The following NRXN3 variants were observed in gnomAD, a reference collection of about 807,000 sequenced individuals.
The protein encoded by NRXN3 is neurexin 3.
NRXN3 carries 32 observed loss-of-function variants against 137.6 expected under a neutral mutation model. The observed-to-expected ratio is 0.23, with a 90% confidence interval of 0.18 to 0.31. The LOEUF (loss-of-function observed/expected upper bound fraction) is 0.31. Among genes scored for constraint, NRXN3 ranks in the 10% least tolerant of loss-of-function variants. The pLI is 1.00. For synonymous variants in NRXN3, 798 were observed against 784.5 expected, an observed-to-expected ratio of 1.02 and a Z score of -0.29; for missense variants, 1,574 against 2,062.5, an observed-to-expected ratio of 0.76 and a Z score of 4.59.
chr14:78,501,056 C>G (rs2095869048), intron 4 of NRXN3, among the ~76,000 whole-genome samples: 1 of 152,124 alleles, frequency 6.6e-6, no homozygotes, highest in African/African-American at 2.4e-5. Context: ...ATTCCCTCTC[C>G]CTTTCTTTTA....
At chr14:79,168,255 A>G (rs903191557) in intron 15 of NRXN3, among the ~76,000 whole-genome samples, 2 of 152,062 alleles carry the variant, frequency 1.3e-5, no homozygotes, top group Admixed American at 6.6e-5. Flanking sequence ...AGGCTCTTCT[A>G]GTACTACAAA....
chr14:78,251,249 C>G (rs977659934), intron 2 of NRXN3, among the ~76,000 whole-genome samples: 5 of 152,162 alleles, frequency 3.3e-5, no homozygotes, highest in African/African-American at 1.2e-4. Context: ...CCTAACTTTC[C>G]TGCCTTCAGC....
In NRXN3 at chr14:79,802,200, C is replaced by G. The variant is rs2099184427; in HGVS notation, c.4015-2912C>G. On this transcript the variant is annotated intron_variant, in intron 19 of 20. Coordinates refer to ENST00000335750, the MANE Select transcript of NRXN3 (RefSeq NM_001330195.2). ...AAACATTTGTTCAATGGCCTTTAAACTTTATTGCCAGGCTTTCAGTTCTTG... is the reference window on the plus strand; with the variant it reads ...AAACATTTGTTCAATGGCCTTTAAAGTTTATTGCCAGGCTTTCAGTTCTTG... Among the ~76,000 whole-genome samples, 2 of 152,158 alleles carry G rather than the reference C, an allele frequency of 1.3e-5. 1 individual carries two copies. Among genetic ancestry groups the G allele is most frequent in the South Asian group, 4.1e-4 (2 of 4,824 alleles).
chr14:78,902,995 G>A (rs2099201955), intron 10 of NRXN3, among the ~76,000 whole-genome samples: 1 of 151,672 alleles, frequency 6.6e-6, no homozygotes, highest in Non-Finnish European at 1.5e-5. Flanking sequence ...CAGATAAAAT[G>A]TTATTCTCTC....
chr14:79,306,412 A>G (rs1196991928), intron 15 of NRXN3, among the ~76,000 whole-genome samples: 4 of 152,094 alleles, frequency 2.6e-5, no homozygotes, highest in African/African-American at 9.7e-5. Context: ...GTGTTTTTAA[A>G]TTAAGGGAAA....
At chr14:79,063,417 G>T (rs1379502425) in intron 15 of NRXN3, among the ~76,000 whole-genome samples, 9 of 151,998 alleles carry the variant, frequency 5.9e-5, no homozygotes, top group Non-Finnish European at 1.5e-5. Flanking sequence ...CTGAGTAGCT[G>T]GGATTACAGG....
At chr14:79,380,397 T>C (rs2094438010) in intron 15 of NRXN3, among the ~76,000 whole-genome samples, 1 of 149,876 alleles carries the variant, frequency 6.7e-6, no homozygotes, top group South Asian at 2.1e-4. Flanking sequence ...CCTTCCTGTG[T>C]CCATGTGTTC....
chr14:79,337,650 G>A (rs376965879), intron 15 of NRXN3, among the ~76,000 whole-genome samples: 5 of 152,208 alleles, frequency 3.3e-5, no homozygotes, highest in East Asian at 1.9e-4. Context: ...AAAGTTTTAC[G>A]TAGCCAATCT....
At chr14:78,209,667 A>G (rs2062556068) in intron 1 of NRXN3, among the ~76,000 whole-genome samples, 1 of 152,082 alleles carries the variant, frequency 6.6e-6, no homozygotes, top group Non-Finnish European at 1.5e-5. Context: ...TAGGGGAGCC[A>G]CCCTCATGAT....
chr14:79,136,460 C>A (rs186734787), intron 15 of NRXN3, among the ~76,000 whole-genome samples: 32 of 152,168 alleles, frequency 2.1e-4, no homozygotes, highest in Non-Finnish European at 4.0e-4. Context: ...ATAAGTGATA[C>A]GGTTTGTTCT....
chr14:79,006,427 T>C (rs1403055714), intron 15 of NRXN3, among the ~76,000 whole-genome samples: 1 of 152,176 alleles, frequency 6.6e-6, no homozygotes, highest in Non-Finnish European at 1.5e-5. Flanking sequence ...AAAAATAGAA[T>C]ATAAGCTGCT....
At chr14:78,890,597 T>C (rs1306286570) in intron 10 of NRXN3, among the ~76,000 whole-genome samples, 3 of 151,778 alleles carry the variant, frequency 2.0e-5, no homozygotes, top group Admixed American at 2.0e-4. Context: ...TGCATTTCTA[T>C]AGCCTCTTCT....
intron 16 of NRXN3, among the ~76,000 whole-genome samples, chr14:79,565,657 G>A (rs2097544516): frequency 6.6e-6 from 1 of 151,972 alleles, no homozygotes; most frequent in South Asian, 2.1e-4. Flanking sequence ...CACCTATTTG[G>A]TTGAATTTTA....
At chr14:79,033,608 A>C (rs1458231979) in intron 15 of NRXN3, among the ~76,000 whole-genome samples, 1 of 152,122 alleles carries the variant, frequency 6.6e-6, no homozygotes, top group East Asian at 1.9e-4. Context: ...CTCTTACTGC[A>C]GTGGGCAAGC....
chr14:79,827,358 A>G (rs75418477), intron 20 of NRXN3, among the ~76,000 whole-genome samples: 4,899 of 152,290 alleles, frequency 0.032, 261 homozygotes, highest in African/African-American at 0.11. Flanking sequence ...AAAATGCATT[A>G]GAGCTTGCAA....
In NRXN3 at chr14:78,288,643, T is replaced by C. The variant is rs1448394868; in HGVS notation, c.728-9188T>C. On this transcript the variant is annotated intron_variant, in intron 3 of 20. Transcript: ENST00000335750. ...CTATTTTAGGGAAGTTCATGACAGC[T>C]GGAGAGCAAAGACTTTCTTTCCTTT... 2.0e-5 allele frequency among the ~76,000 whole-genome samples: 3 copies of C among 152,248 alleles called. No individual in the cohort carries two copies. The East Asian group carries it at 5.8e-4, about 29-fold the overall frequency.
At chr14:79,324,400 T>C (rs1322518038) in intron 15 of NRXN3, among the ~76,000 whole-genome samples, 1 of 152,076 alleles carries the variant, frequency 6.6e-6, no homozygotes, top group African/African-American at 2.4e-5. Flanking sequence ...GAAGGAAAAA[T>C]AGGCTTGCAG....
chr14:79,128,613 A>G (rs1423820268), intron 15 of NRXN3, among the ~76,000 whole-genome samples: 5 of 152,154 alleles, frequency 3.3e-5, no homozygotes, highest in Non-Finnish European at 7.3e-5. Flanking sequence ...ATCAATGTTC[A>G]TCAAGGATAT....
chr14:78,354,004 T>G (rs2083920712), intron 4 of NRXN3, among the ~76,000 whole-genome samples: 1 of 152,212 alleles, frequency 6.6e-6, no homozygotes, highest in Non-Finnish European at 1.5e-5. Flanking sequence ...ATTTCAAAAG[T>G]CTTCTAGCTT....
Sources: allele counts gnomAD v4.1 joint callset (sites outside exome capture counted in the v4.1 genomes callset), GRCh38; gene constraint gnomAD v4.1.1; transcripts MANE v1.5; gene names NCBI Gene and HGNC (gene_info 2026-07-23, HGNC 2026-07-21).